IPO5: variants seen among roughly 807,000 people sequenced by gnomAD.
The protein encoded by IPO5 is importin-5.
In IPO5, 18 loss-of-function variants were observed where a neutral mutation model predicts 143.3. That is an observed-to-expected ratio of 0.13 (90% CI 0.09 to 0.19). IPO5 has a LOEUF of 0.19. Among genes scored for constraint, IPO5 ranks in the 10% least tolerant of loss-of-function variants. The pLI is 1.00. For synonymous variants in IPO5, 477 were observed against 465.7 expected (o/e 1.02, Z -0.31); for missense variants, 1,013 against 1,336.9 (o/e 0.76, Z 3.78).
intron 21 of IPO5, among the ~76,000 whole-genome samples, chr13:98,013,032 C>T (rs1889843042): frequency 2.6e-5 from 4 of 151,840 alleles, no homozygotes; most frequent in Non-Finnish European, 2.9e-5. Context: ...GTGGATAGCA[C>T]CTTTGCGGGG....
rs1887247330 is a variant in IPO5, at chr13:97,985,402, CAAT to C, written c.172-18_172-16del. On this transcript the variant is annotated splice_polypyrimidine_tract_variant and intron_variant, in intron 5 of 28. Coordinates refer to ENST00000651721, the MANE Select transcript of IPO5 (RefSeq NM_002271.6). The stretch of plus-strand genomic sequence containing the variant: ...ATGGCAGAGTGAATCTAGTTATTAA[CAAT>C]GTTATCTGTTTATAGGCTAGACAAA... 2 of 1,592,484 alleles carry C rather than the reference CAAT, an allele frequency of 1.3e-6. No individual in the cohort carries two copies. Among genetic ancestry groups the C allele is most frequent in the Admixed American group, 1.7e-5 (1 of 59,668 alleles).
chr13:98,019,437 G>A (rs1220808326), intron 26 of IPO5, 144 bp from the exon 27 acceptor site: 2 of 647,860 alleles, frequency 3.1e-6, no homozygotes, highest in Non-Finnish European at 5.3e-6. Flanking sequence ...ATTCTGTAAT[G>A]ACATAGCCAA....
At chr13:97,990,870 G>A (rs1887747377) in intron 9 of IPO5, among the ~76,000 whole-genome samples, 1 of 152,034 alleles carries the variant, frequency 6.6e-6, no homozygotes. Flanking sequence ...TTTTACATAA[G>A]GAGAAACTAC....
Position 97,985,448 on chromosome 13 carries a change from A to G in IPO5, c.199A>G (p.Arg67Gly), listed in dbSNP as rs1338327692. 1 of 1,614,124 alleles carries G rather than the reference A, an allele frequency of 6.2e-7. No homozygotes were observed. The highest frequency in any genetic ancestry group is 1.3e-5 in the African/African-American group (1 of 75,026). Reference protein sequence around the residue: ...EARQMAAVLLRRLLSSAFDEV... With the variant: ...EARQMAAVLLGRLLSSAFDEV... ...TAGACAAATGGCCGCCGTTCTCCTA[A>G]GACGTCTCTTGTCCTCTGCATTTGA... is the stretch of plus-strand genomic sequence containing the variant. Residue 67 changes from arginine (R) to glycine (G), a missense_variant, in exon 6 of 29, where the codon AGA (arginine) becomes GGA (glycine). By Grantham distance (125) the Arg-to-Gly change is moderately radical. Around this residue, in one of 2 missense-constraint regions of IPO5, gnomAD observed 328 missense variants for 342.0 expected, o/e 0.96. Coordinates refer to ENST00000651721, the MANE Select transcript of IPO5 (RefSeq NM_002271.6).
Position 98,015,625 on chromosome 13 carries a change from T to C in IPO5, c.2421T>C (p.Asn807=), listed in dbSNP as rs765050000. 2 of 1,607,880 alleles carry C rather than the reference T, an allele frequency of 1.2e-6. No homozygotes were observed. Among genetic ancestry groups the C allele is most frequent in the African/African-American group, 2.7e-5 (2 of 74,736 alleles). ...CAAAGCTTGAAGAACATTTTAAAAA[T>C]CAAGAATTACGACAAGGTAAGTTTT... ...LKAKLEEHFK[N]QELRQVKRQD... The change falls in exon 23 of 29, where the codon AAT becomes AAC. Residue 807 remains asparagine (N), a synonymous_variant. Transcript: ENST00000651721.
chr13:97,990,437 G>T lies in IPO5; in HGVS notation c.569G>T (p.Arg190Met). The change falls in exon 9 of 29, where the codon AGG becomes ATG. Residue 190 changes from arginine to methionine, a missense_variant. By Grantham distance (91) the Arg-to-Met change is moderately conservative. Around this residue, in one of 2 missense-constraint regions of IPO5, gnomAD observed 328 missense variants for 342.0 expected, o/e 0.96. Transcript: ENST00000651721. ...CMQDQEHPSI[R>M]TLSARATAAF... ...ATTTTTTCCTCTTGATTTTAGATCA[G>T]GACGTTATCTGCTAGAGCTACAGCT... 6.3e-7 allele frequency: 1 copy of T among 1,593,794 alleles called. No individual in the cohort carries two copies. The highest frequency in any genetic ancestry group is 1.2e-5 in the South Asian group (1 of 86,870).
At chr13:98,000,751 C>G (rs1324583962) in intron 13 of IPO5, 106 bp downstream of exon 13, 1 of 740,674 alleles carries the variant, frequency 1.4e-6, no homozygotes, top group African/African-American at 1.7e-5. Flanking sequence ...GTCTTTTTAT[C>G]ATCCATATTT....
intron 21 of IPO5, among the ~76,000 whole-genome samples, 171 bp from the exon 22 acceptor site, chr13:98,013,871 G>C (rs1318887937): frequency 6.6e-6 from 1 of 152,182 alleles, no homozygotes; most frequent in Non-Finnish European, 1.5e-5. Flanking sequence ...ACAGGTGACA[G>C]AGGAGACAGG....
rs1485013377 is a variant in IPO5, at chr13:98,018,605, T to C, written c.2737T>C (p.Tyr913His). The change falls in exon 26 of 29, where the codon TAT becomes CAT. Residue 913 changes from tyrosine to histidine, a missense_variant. By Grantham distance (83) the Tyr-to-His change is moderately conservative (BLOSUM62 2). Transcript: ENST00000651721. ...AEYFLRPMLQ[Y>H]VCDNSPEVRQ... ...ATATTTCTTAAGACCAATGCTCCAA[T>C]ATGTATGTGACAACAGCCCAGAAGT... 5 of 1,614,038 alleles carry C rather than the reference T, an allele frequency of 3.1e-6. No homozygotes were observed. In the African/African-American group the frequency reaches 6.7e-5, roughly 22 times the overall value.
chr13:98,001,448 C>G (rs1183188843), intron 13 of IPO5, among the ~76,000 whole-genome samples: 1 of 152,182 alleles, frequency 6.6e-6, no homozygotes, highest in Non-Finnish European at 1.5e-5. Flanking sequence ...GCCCTAGCCT[C>G]CTGAGTAGCT....
intron 11 of IPO5, among the ~76,000 whole-genome samples, chr13:97,993,575 G>A (rs1022898824): frequency 2.0e-5 from 3 of 152,296 alleles, no homozygotes; most frequent in Middle Eastern, 6.8e-3. Flanking sequence ...AACCAAAATA[G>A]CATGTCTTGC....
At chr13:97,995,246 T>G (rs1205602497) in intron 11 of IPO5, among the ~76,000 whole-genome samples, 1 of 151,482 alleles carries the variant, frequency 6.6e-6, no homozygotes, top group African/African-American at 2.4e-5. Context: ...AGTGGTGATT[T>G]CTGTGATTTT....
At chr13:97,955,512 A>C (rs1430557923) in intron 2 of IPO5, among the ~76,000 whole-genome samples, 1 of 152,190 alleles carries the variant, frequency 6.6e-6, no homozygotes, top group East Asian at 1.9e-4. Flanking sequence ...ACACAGGCAG[A>C]AATATAAGAG....
At chr13:98,019,854 C>A (rs746178279) in intron 27 of IPO5, 45 bp downstream of exon 27, 2 of 1,332,968 alleles carry the variant, frequency 1.5e-6, no homozygotes, top group Non-Finnish European at 2.2e-6. Flanking sequence ...CTCCACAGTG[C>A]TTCCTGGTTT....
At chr13:97,973,259 G>A (rs1029905542) in intron 3 of IPO5, among the ~76,000 whole-genome samples, 1 of 151,896 alleles carries the variant, frequency 6.6e-6, no homozygotes, top group Non-Finnish European at 1.5e-5. Context: ...TGTTGGCCAG[G>A]CTGGTCTCAA....
intron 3 of IPO5, among the ~76,000 whole-genome samples, chr13:97,975,107 A>T (rs916197298): frequency 6.6e-6 from 1 of 151,902 alleles, no homozygotes; most frequent in African/African-American, 2.4e-5. Context: ...GCGGTGTAGA[A>T]CTACTCTTCC....
chr13:98,020,423 C>CA (rs759007398), intron 27 of IPO5, among the ~76,000 whole-genome samples: 3 of 152,286 alleles, frequency 2.0e-5, no homozygotes, highest in Admixed American at 1.3e-4. Context: ...TTCCACTGAC[C>CA]ATATCATTAA....
At position 98,014,061 on chromosome 13, in the gene IPO5, G is replaced by A. The variant is rs182747248; in HGVS notation, c.2172G>A (p.Ala724=). 105 of 1,607,678 alleles carry A rather than the reference G, an allele frequency of 6.5e-5. No individual in the cohort carries two copies. The highest frequency in any genetic ancestry group is 2.7e-4 in the Admixed American group (16 of 58,208). Residue 724 remains alanine, a synonymous_variant, in exon 22 of 29, where the codon GCG becomes GCA. Transcript: ENST00000651721. ...YFHDGVRVAA[A]ESMPLLLECA... ...TGAAACGTGTTCGAGTGGCAGCAGC[G>A]GAATCCATGCCTCTTCTCCTGGAGT...
At position 98,014,150 on chromosome 13, in the gene IPO5, T is replaced by C. The variant is rs747720307; in HGVS notation, c.2261T>C (p.Ile754Thr). 8.1e-6 allele frequency: 13 copies of C among 1,613,714 alleles called. No homozygotes were observed. The South Asian group carries it at 1.4e-4, about 18-fold the overall frequency. ...QMWHFMCDAL[I>T]KAIGTEPDSD... is the part of the protein sequence containing the mutation. The stretch of plus-strand genomic sequence containing the variant: ...TGGCATTTTATGTGTGATGCTCTAA[T>C]TAAGGCCATTGGTACAGAACCAGAT... The change falls in exon 22 of 29, where the codon ATT (isoleucine) becomes ACT (threonine). Residue 754 changes from isoleucine (I) to threonine (T), a missense_variant. By Grantham distance (89) the Ile-to-Thr change is moderately conservative (BLOSUM62 -1). Around this residue, in one of 2 missense-constraint regions of IPO5, gnomAD observed 685 missense variants for 994.9 expected, o/e 0.69. Coordinates refer to ENST00000651721, the MANE Select transcript of IPO5 (RefSeq NM_002271.6).
Sources: gnomAD v4.1 joint callset for allele counts (sites outside exome capture counted in the v4.1 genomes callset) on GRCh38, gnomAD v4.1.1 for gene constraint, gnomAD v4.1.1 regional missense constraint, MANE v1.5 for transcripts, NCBI Gene and HGNC (gene_info 2026-07-23, HGNC 2026-07-21) for gene names.